SMG6: variants seen among roughly 807,000 people sequenced by gnomAD.
SMG6 encodes the protein telomerase-binding protein EST1A.
Under a neutral mutation model 142.2 loss-of-function variants are expected in SMG6, and 66 were observed. The observed-to-expected ratio is 0.46, with a 90% confidence interval of 0.38 to 0.57. The LOEUF (loss-of-function observed/expected upper bound fraction) is 0.57, where lower values mean the gene tolerates loss of function less well. SMG6 is among the 20% of genes least tolerant of loss of function. The pLI, the probability that SMG6 is intolerant of heterozygous loss-of-function variation, is 0.00. For missense variants in SMG6, 1,793 were observed against 1,832.0 expected (o/e 0.98, Z 0.39); for synonymous variants, 779 against 702.4 (o/e 1.11, Z -1.72).
intron 13 of SMG6, among the ~76,000 whole-genome samples, chr17:2,120,382 A>G (rs924879931): frequency 6.6e-6 from 1 of 152,212 alleles, no homozygotes; most frequent in Admixed American, 6.5e-5. Flanking sequence ...GAAGATGTGA[A>G]AAGATCCTTC....
chr17:2,221,232 A>G lies in SMG6; in HGVS notation c.2869+15260T>C, dbSNP rs1219145247. Among the ~76,000 whole-genome samples the G allele has an allele frequency of 4.6e-5, 7 of 152,256 alleles. No homozygotes were observed. The South Asian group carries it at 1.5e-3, about 32-fold the overall frequency. ...TCCAGTGCTGGAGGTGGGGCCTGGT[A>G]GGAGGTGACTGCATCCTGGGGTGGT... On this transcript the variant is annotated intron_variant, in intron 10 of 18. Coordinates refer to ENST00000263073, the MANE Select transcript of SMG6 (RefSeq NM_017575.5).
At chr17:2,268,532 G>C (rs1473500515) in intron 8 of SMG6, among the ~76,000 whole-genome samples, 1 of 152,108 alleles carries the variant, frequency 6.6e-6, no homozygotes, top group Admixed American at 6.6e-5. Flanking sequence ...CAACACTTTG[G>C]GAGGCCGAAG....
chr17:2,255,456 A>T (rs2074150967), intron 8 of SMG6, among the ~76,000 whole-genome samples: 1 of 149,094 alleles, frequency 6.7e-6, no homozygotes, highest in Non-Finnish European at 1.5e-5. Context: ...AAAGCCACTG[A>T]AGGGTTTTCA....
rs1342097568 is a variant in SMG6, at chr17:2,081,904, C to T, written c.3587G>A (p.Ser1196Asn). The T allele has an allele frequency of 4.3e-6, 7 of 1,614,080 alleles. No individual in the cohort carries two copies. The highest frequency in any genetic ancestry group is 3.3e-5 in the Admixed American group (2 of 60,016). The change falls in exon 15 of 19, where the codon AGC becomes AAC. Residue 1196 changes from serine to asparagine, a missense_variant. Physicochemically the swap from Ser to Asn is conservative, Grantham distance 46. This residue lies in a region of SMG6 where 1,597 missense variants were observed against 1,584.6 expected (regional missense o/e 1.01). Transcript: ENST00000263073. ...CTCCCTGATGTCATCCTCGCCTCCG[C>T]TGCCTTCAGCCTCTGAATCTTCCTC... ...DFEEDSEAEG[S>N]GGEDDIRELR...
chr17:2,303,048 G>A (rs1259239177), intron 1 of SMG6: 2 of 985,286 alleles, frequency 2.0e-6, no homozygotes, highest in Non-Finnish European at 2.4e-6. Flanking sequence ...AAATTAACTT[G>A]CAAATTGAGC....
intron 13 of SMG6, among the ~76,000 whole-genome samples, chr17:2,119,958 G>A (rs531608190): frequency 6.6e-6 from 1 of 152,234 alleles, no homozygotes; most frequent in Admixed American, 6.5e-5. Context: ...CACTGCACCC[G>A]GCCATGTCCA....
chr17:2,259,215 G>A (rs1292095413), intron 8 of SMG6, among the ~76,000 whole-genome samples: 1 of 150,990 alleles, frequency 6.6e-6, no homozygotes, highest in South Asian at 2.1e-4. Context: ...AGACCACCAG[G>A]CCAAACCAAC....
chr17:2,112,308 T>C (rs2069348417), intron 13 of SMG6, among the ~76,000 whole-genome samples: 1 of 150,790 alleles, frequency 6.6e-6, no homozygotes. Context: ...ATCGAGACCA[T>C]CATGGCTAAC....
chr17:2,111,492 G>A (rs1317733079), intron 13 of SMG6, among the ~76,000 whole-genome samples: 2 of 152,108 alleles, frequency 1.3e-5, no homozygotes, highest in Non-Finnish European at 2.9e-5. Context: ...GCTCACTGCA[G>A]CCTCGACCTC....
chr17:2,228,566 T>C (rs1426070017), intron 10 of SMG6, among the ~76,000 whole-genome samples: 1 of 152,132 alleles, frequency 6.6e-6, no homozygotes, highest in Non-Finnish European at 1.5e-5. Flanking sequence ...TTTCCCCACG[T>C]TGACCAGGCT....
intron 8 of SMG6, among the ~76,000 whole-genome samples, chr17:2,258,038 T>TATAA (rs1307327276): frequency 2.2e-5 from 2 of 89,286 alleles, no homozygotes; most frequent in Admixed American, 1.3e-4. Flanking sequence ...AAAAAAAATA[T>TATAA]ACACACACAC....
chr17:2,185,136 C>T (rs542957130), intron 12 of SMG6, among the ~76,000 whole-genome samples: 1 of 151,904 alleles, frequency 6.6e-6, no homozygotes, highest in Non-Finnish European at 1.5e-5. Context: ...GACATAGATA[C>T]GGACATCCCA....
At chr17:2,088,695 C>T (rs1303881845) in intron 13 of SMG6, 2 of 985,284 alleles carry the variant, frequency 2.0e-6, no homozygotes, top group Non-Finnish European at 2.4e-6. Flanking sequence ...GTAAAGTGTA[C>T]TGTGGGAGTG....
chr17:2,072,352 C>T (rs1567573496), intron 15 of SMG6, among the ~76,000 whole-genome samples: 2 of 152,044 alleles, frequency 1.3e-5, no homozygotes, highest in African/African-American at 4.8e-5. Context: ...CACACGGACA[C>T]TCTGAATCAG....
chr17:2,291,209 T>C lies in SMG6; in HGVS notation c.2337+1343A>G, dbSNP rs1035298032. On this transcript the variant is annotated intron_variant, in intron 6 of 18. Transcript: ENST00000263073. The stretch of plus-strand genomic sequence containing the variant: ...AGCCGGGCGTGGTGGCGGGCGCCTG[T>C]AGTCCCAGCTACTCGGGAGGCTGAG... Among the ~76,000 whole-genome samples the C allele has an allele frequency of 4.6e-5, 7 of 152,058 alleles. No homozygotes were observed. The East Asian group carries it at 1.2e-3, about 25-fold the overall frequency.
intron 13 of SMG6, among the ~76,000 whole-genome samples, chr17:2,167,020 C>T (rs375177425): frequency 6.7e-6 from 1 of 148,668 alleles, no homozygotes; most frequent in African/African-American, 2.5e-5. Flanking sequence ...ATCCCAGCTA[C>T]GCGGGGGGCT....
In SMG6 at chr17:2,283,927, GTATT is replaced by G. The variant is rs1490135371; in HGVS notation, c.2338-196_2338-193del. Among the ~76,000 whole-genome samples, 220 of 152,156 alleles carry G rather than the reference GTATT, an allele frequency of 1.4e-3. 2 individuals carry two copies. Among genetic ancestry groups the G allele is most frequent in the Non-Finnish European group, 1.0e-4 (7 of 68,024 alleles). On this transcript the variant is annotated intron_variant, in intron 6 of 18. Transcript: ENST00000263073. ...TACATCACAGATCTCTTCTTGCACA[GTATT>G]ATATCTTACATGCAGAGGTGCTCCA... is the stretch of plus-strand genomic sequence containing the variant.
intron 13 of SMG6, among the ~76,000 whole-genome samples, chr17:2,129,551 C>G (rs148206721): frequency 1.9e-3 from 285 of 151,926 alleles, no homozygotes; most frequent in African/African-American, 6.6e-3. Flanking sequence ...CCCAGCACTT[C>G]GCGAGGCTGA....
At chr17:2,127,174 A>T (rs1418463282) in intron 13 of SMG6, among the ~76,000 whole-genome samples, 1 of 151,206 alleles carries the variant, frequency 6.6e-6, no homozygotes, top group Admixed American at 6.6e-5. Flanking sequence ...CAAATATTGC[A>T]TGATTCTACT....
Sources: allele counts gnomAD v4.1 joint callset (sites outside exome capture counted in the v4.1 genomes callset), GRCh38; gene constraint gnomAD v4.1.1; regional missense constraint gnomAD v4.1.1; transcripts MANE v1.5; gene names NCBI Gene and HGNC (gene_info 2026-07-23, HGNC 2026-07-21).